ROCK2: variants seen among roughly 807,000 people sequenced by gnomAD.
The protein encoded by ROCK2 is Rho associated coiled-coil containing protein kinase 2.
ROCK2 carries 61 observed loss-of-function variants against 195.1 expected under a neutral mutation model. The ratio of observed to expected loss-of-function variants is 0.31; its 90% confidence interval spans 0.25 to 0.39. The LOEUF (loss-of-function observed/expected upper bound fraction) is 0.39, where lower values mean the gene tolerates loss of function less well. Ranked by LOEUF, ROCK2 falls within the 10% of genes least tolerant of loss-of-function variation. The pLI is 1.00. For synonymous variants in ROCK2, 504 were observed against 545.5 expected (o/e 0.92, Z 1.06); for missense variants, 1,109 against 1,637.4 (o/e 0.68, Z 5.57).
chr2:11,264,215 A>G (rs1363057005), intron 3 of ROCK2, among the ~76,000 whole-genome samples: 1 of 152,188 alleles, frequency 6.6e-6, no homozygotes, highest in African/African-American at 2.4e-5. Context: ...GATTAATAGT[A>G]ACAATGGTGA....
In ROCK2 at chr2:11,278,652, G is replaced by A. The variant is rs559162667; in HGVS notation, c.324+7887C>T. On this transcript the variant is annotated intron_variant, in intron 3 of 32. Coordinates refer to ENST00000315872, the MANE Select transcript of ROCK2 (RefSeq NM_004850.5). ...TCTTAAGACAGAGTCTCACTCTGTC[G>A]CCCAGCCTGAACTGCAATGGTGCGA... Among the ~76,000 whole-genome samples the A allele has an allele frequency of 6.6e-5, 10 of 152,150 alleles. No homozygotes were observed. The South Asian group carries it at 8.3e-4, about 13-fold the overall frequency.
intron 4 of ROCK2, among the ~76,000 whole-genome samples, chr2:11,247,789 G>A (rs899754460): frequency 6.6e-6 from 1 of 152,176 alleles, no homozygotes; most frequent in African/African-American, 2.4e-5. Flanking sequence ...GGGGGCCAAG[G>A]CAGGCAGATC....
At chr2:11,294,855 G>A (rs879440196) in intron 1 of ROCK2, among the ~76,000 whole-genome samples, 5 of 151,864 alleles carry the variant, frequency 3.3e-5, no homozygotes, top group South Asian at 2.1e-4. Flanking sequence ...TCAGCTCACC[G>A]CAACCTCCAC....
chr2:11,336,325 A>G (rs749027738), intron 1 of ROCK2, among the ~76,000 whole-genome samples: 2 of 152,110 alleles, frequency 1.3e-5, no homozygotes, highest in Non-Finnish European at 2.9e-5. Flanking sequence ...ATCACAGCTC[A>G]CTCAGTCTCA....
At chr2:11,253,915 T>C (rs1287432375) in intron 3 of ROCK2, among the ~76,000 whole-genome samples, 1 of 152,230 alleles carries the variant, frequency 6.6e-6, no homozygotes, top group African/African-American at 2.4e-5. Flanking sequence ...GGAAGAACCA[T>C]GACACTTATC....
At chr2:11,187,091 C>T (rs1012885488) in intron 32 of ROCK2, among the ~76,000 whole-genome samples, 1 of 152,134 alleles carries the variant, frequency 6.6e-6, no homozygotes, top group Non-Finnish European at 1.5e-5. Flanking sequence ...GTACCCATTT[C>T]GTTTCTTAAC....
intron 3 of ROCK2, among the ~76,000 whole-genome samples, chr2:11,259,288 T>C (rs1254318375): frequency 8.6e-6 from 1 of 115,646 alleles, no homozygotes; most frequent in Admixed American, 9.8e-5. Flanking sequence ...TGGTGATCAC[T>C]AGGGTAAAGA....
At chr2:11,186,766 G>A (rs1376800593) in intron 32 of ROCK2, among the ~76,000 whole-genome samples, 1 of 152,124 alleles carries the variant, frequency 6.6e-6, no homozygotes, top group African/African-American at 2.4e-5. Context: ...TAATTCTGAT[G>A]ACTTTGTACC....
intron 32 of ROCK2, among the ~76,000 whole-genome samples, chr2:11,187,625 A>G (rs752827628): frequency 9.2e-5 from 14 of 152,206 alleles, no homozygotes; most frequent in African/African-American, 3.1e-4. Flanking sequence ...TCAATGATTT[A>G]TAAGAACTTT....
At chr2:11,296,020 GAGAGAGAGAGA>G (rs1667522935) in intron 1 of ROCK2, among the ~76,000 whole-genome samples, 1 of 86,916 alleles carries the variant, frequency 1.2e-5, no homozygotes, top group Non-Finnish European at 2.9e-5. Context: ...GAGAGAGAGA[GAGAGAGAGAGA>G]GAGAGAGAGA....
Position 11,215,014 on chromosome 2 carries a change from T to C in ROCK2, c.1762A>G (p.Ser588Gly). Residue 588 changes from serine to glycine, a missense_variant, in exon 16 of 33, where the codon AGT becomes GGT. By Grantham distance (56) the Ser-to-Gly change is moderately conservative. This residue lies in a region of ROCK2 where 542 missense variants were observed against 672.0 expected (regional missense o/e 0.81). Transcript: ENST00000315872. Reference sequence around the variant, plus strand: ...TCCAGCTGCTGAATCTGTTTTGAACTTTCTGCCTGGGTTTTCCTTAACCGG... The same window carrying C: ...TCCAGCTGCTGAATCTGTTTTGAACCTTCTGCCTGGGTTTTCCTTAACCGG... ...AARLRKTQAE[S>G]SKQIQQLESN... 6.2e-7 allele frequency: 1 copy of C among 1,614,094 alleles called. No individual in the cohort carries two copies. Among genetic ancestry groups the C allele is most frequent in the Non-Finnish European group, 8.5e-7 (1 of 1,180,000 alleles).
chr2:11,195,318 CAA>C (rs35881542), intron 27 of ROCK2: 580 of 137,854 alleles, frequency 4.2e-3, no homozygotes, highest in Middle Eastern at 6.9e-3. Context: ...GAAAAGTTGC[CAA>C]AAAAAAAAAA....
At chr2:11,322,617 T>C (rs1288801663) in intron 1 of ROCK2, among the ~76,000 whole-genome samples, 4 of 152,164 alleles carry the variant, frequency 2.6e-5, no homozygotes, top group Non-Finnish European at 4.4e-5. Flanking sequence ...TACTACTCTA[T>C]TTATAGCTCT....
chr2:11,285,587 G>T lies in ROCK2; in HGVS notation c.324+952C>A, dbSNP rs144873437. 5.9e-5 allele frequency among the ~76,000 whole-genome samples: 9 copies of T among 152,164 alleles called. No homozygotes were observed. The East Asian group carries it at 1.7e-3, about 29-fold the overall frequency. On this transcript the variant is annotated intron_variant, in intron 3 of 32. Coordinates refer to ENST00000315872, the MANE Select transcript of ROCK2 (RefSeq NM_004850.5). The stretch of plus-strand genomic sequence containing the variant: ...TCATGCTTGTACTCCCAGCACTCTG[G>T]GAGGCCGAGCAGGTAGATCCCTTGA...
At chr2:11,209,846 G>T (rs113626313) in intron 18 of ROCK2, among the ~76,000 whole-genome samples, 1 of 152,290 alleles carries the variant, frequency 6.6e-6, no homozygotes, top group East Asian at 1.9e-4. Flanking sequence ...GCAGAAAAAT[G>T]AAACATTCCC....
At chr2:11,259,302 GA>G (rs1666141216) in intron 3 of ROCK2, among the ~76,000 whole-genome samples, 1 of 42,974 alleles carries the variant, frequency 2.3e-5, no homozygotes, top group Admixed American at 2.9e-4. Context: ...GTAAAGACCA[GA>G]CTGAAGTATC....
chr2:11,196,963 T>C (rs914289833), intron 27 of ROCK2, among the ~76,000 whole-genome samples: 3 of 152,034 alleles, frequency 2.0e-5, no homozygotes, highest in Admixed American at 2.0e-4. Context: ...AAACTAGACA[T>C]GTGGAGTTTT....
At position 11,214,857 on chromosome 2, in the gene ROCK2, A is replaced by C. The variant is rs754610202; in HGVS notation, c.1919T>G (p.Ile640Arg). 5.6e-6 allele frequency: 9 copies of C among 1,609,546 alleles called. No homozygotes were observed. The highest frequency in any genetic ancestry group is 3.3e-5 in the Admixed American group (2 of 59,836). Residue 640 changes from isoleucine to arginine, a missense_variant, in exon 16 of 33, where the codon ATA (isoleucine) becomes AGA (arginine). This residue lies in a region of ROCK2 where 542 missense variants were observed against 672.0 expected (regional missense o/e 0.81). Coordinates refer to ENST00000315872, the MANE Select transcript of ROCK2 (RefSeq NM_004850.5). Reference protein sequence around the residue: ...ERRDRTHGSEIINDLQGRICG... With the variant: ...ERRDRTHGSERINDLQGRICG... ...TTCAATACCTTGTAAATCATTAATT[A>C]TCTCTGATCCATGGGTTCGATCCCT...
intron 32 of ROCK2, among the ~76,000 whole-genome samples, chr2:11,188,103 AT>A (rs747304783): frequency 3.5e-3 from 392 of 112,644 alleles, no homozygotes; most frequent in African/African-American, 0.011. Flanking sequence ...CTGGTATATA[AT>A]TTTTTTTTTT....
Sources: allele counts gnomAD v4.1 joint callset (sites outside exome capture counted in the v4.1 genomes callset), GRCh38; gene constraint gnomAD v4.1.1; regional missense constraint gnomAD v4.1.1; transcripts MANE v1.5; gene names NCBI Gene and HGNC (gene_info 2026-07-23, HGNC 2026-07-21).